Variants in DYM observed in about 807,000 individuals in gnomAD.
DYM encodes the protein dyggve-Melchior-Clausen syndrome protein.
In DYM, 78 loss-of-function variants were observed where a neutral mutation model predicts 93.1. The ratio of observed to expected loss-of-function variants is 0.84; its 90% CI spans 0.70 to 1.01. DYM has a LOEUF of 1.01. DYM is among the 50% of genes least tolerant of loss of function. The pLI is 0.00. For missense variants in DYM, 789 were observed against 845.0 expected (o/e 0.93, Z 0.82); for synonymous variants, 321 against 319.7 (o/e 1.00, Z -0.04).
intron 6 of DYM, 73 bp downstream of exon 6, chr18:49,363,088 T>C: frequency 1.6e-6 from 2 of 1,272,654 alleles, no homozygotes; most frequent in African/African-American, 1.5e-5. Context: ...ACCCACAAAC[T>C]TCTCAACATG....
rs186372168 is a variant in DYM, at chr18:49,434,562, G to T, written c.-53-4115C>A. Among the ~76,000 whole-genome samples, 66 of 152,234 alleles carry T rather than the reference G, an allele frequency of 4.3e-4. 1 individual carries two copies. In the East Asian group the frequency reaches 0.011, roughly 25 times the overall value. On this transcript the variant is annotated intron_variant, in intron 1 of 17. Coordinates refer to ENST00000675505, the MANE Select transcript of DYM (RefSeq NM_001353214.3). The stretch of plus-strand genomic sequence containing the variant: ...AAAGAAAAAGAAAGTGGCCACCCCT[G>T]TGGAAAAGGACTCTGGAGTGGGGAG...
intron 14 of DYM, among the ~76,000 whole-genome samples, chr18:49,189,520 C>T (rs1690254690): frequency 6.6e-6 from 1 of 152,050 alleles, no homozygotes; most frequent in African/African-American, 2.4e-5. Context: ...CAAACAATGA[C>T]CCAAGCCCAG....
At position 49,118,742 on chromosome 18, in the gene DYM, A is replaced by G. The variant is rs1316990533; in HGVS notation, c.1911+2T>C. ...ATAATAAATGTCTTCATTTACACTC[A>G]CCAGATCAATATTTTGCATTATATC... On this transcript the variant is annotated splice_donor_variant, in intron 16 of 17. Transcript: ENST00000675505. LOFTEE classifies it high-confidence loss of function. The G allele has an allele frequency of 4.3e-6, 7 of 1,612,244 alleles. No homozygotes were observed. Among genetic ancestry groups the G allele is most frequent in the Non-Finnish European group, 5.1e-6 (6 of 1,178,424 alleles).
At chr18:49,201,326 T>C (rs976764374) in intron 14 of DYM, among the ~76,000 whole-genome samples, 1 of 152,192 alleles carries the variant, frequency 6.6e-6, no homozygotes, top group Non-Finnish European at 1.5e-5. Context: ...CCTTTTTTTT[T>C]CAAAGTTCAC....
intron 17 of DYM, among the ~76,000 whole-genome samples, chr18:49,088,911 C>A (rs543003855): frequency 6.6e-6 from 1 of 152,122 alleles, no homozygotes; most frequent in East Asian, 1.9e-4. Flanking sequence ...CCTGCCTTAG[C>A]CCCCTGAATA....
intron 13 of DYM, among the ~76,000 whole-genome samples, chr18:49,219,468 G>C (rs1474823473): frequency 1.3e-5 from 2 of 151,978 alleles, no homozygotes; most frequent in Admixed American, 6.5e-5. Flanking sequence ...GAGAATTTTA[G>C]ACCAATATCC....
At chr18:49,309,462 C>T (rs535168392) in intron 8 of DYM, among the ~76,000 whole-genome samples, 4 of 152,152 alleles carry the variant, frequency 2.6e-5, no homozygotes, top group African/African-American at 7.2e-5. Context: ...CAGCAAGATG[C>T]AGTCTCTATA....
At chr18:49,339,939 TTTTGTTTG>T (rs546293424) in intron 6 of DYM, among the ~76,000 whole-genome samples, 19 of 151,854 alleles carry the variant, frequency 1.3e-4, no homozygotes, top group South Asian at 1.3e-3. Flanking sequence ...TTTTGGGGTT[TTTTGTTTG>T]TTTGTTTGTT....
intron 14 of DYM, among the ~76,000 whole-genome samples, chr18:49,196,863 G>A (rs6507889): frequency 0.038 from 5,840 of 152,254 alleles, 352 homozygotes; most frequent in African/African-American, 0.13. Context: ...TGAGGAAAAG[G>A]ACTAGGTAGG....
chr18:49,241,318 T>C (rs2094002524), intron 13 of DYM, among the ~76,000 whole-genome samples: 1 of 152,204 alleles, frequency 6.6e-6, no homozygotes, highest in South Asian at 2.1e-4. Context: ...ATTTCTACGC[T>C]AGGGTCAAAC....
chr18:49,322,227 G>A (rs1467791540), intron 8 of DYM, among the ~76,000 whole-genome samples: 2 of 151,966 alleles, frequency 1.3e-5, no homozygotes, highest in African/African-American at 2.4e-5. Flanking sequence ...AAATTTTTTT[G>A]GATGGCTCAT....
chr18:49,051,562 C>A (rs2072446785), intron 17 of DYM, among the ~76,000 whole-genome samples: 1 of 152,236 alleles, frequency 6.6e-6, no homozygotes, highest in Non-Finnish European at 1.5e-5. Context: ...GGTTCAGCTG[C>A]AACCCTGAAG....
intron 8 of DYM, among the ~76,000 whole-genome samples, chr18:49,321,972 C>T (rs2062518067): frequency 6.6e-6 from 1 of 151,806 alleles, no homozygotes; most frequent in African/African-American, 2.4e-5. Context: ...AATGAGTCAC[C>T]CTAGAAAAAG....
chr18:49,418,218 C>T (rs780851552), intron 2 of DYM, among the ~76,000 whole-genome samples: 1 of 152,082 alleles, frequency 6.6e-6, no homozygotes, highest in East Asian at 1.9e-4. Flanking sequence ...GCATGACACA[C>T]GATTATGTTC....
rs1196644541 is a variant in DYM, at chr18:49,209,592, CAA to C, written c.1582_1583del (p.Leu528ValfsTer21). The C allele has an allele frequency of 3.9e-6, 5 of 1,289,712 alleles. No homozygotes were observed. The highest frequency in any genetic ancestry group is 1.5e-5 in the African/African-American group (1 of 65,970). The allele number at this position is 1,289,712 out of a possible 1,614,324, so 79.9% of individuals were successfully genotyped here. A position where few individuals can be genotyped will look rare whatever the true frequency, so the allele number is the denominator to read the frequency against. ...TGAGAATGTGAGAGCAAGTTAAAGA[CAA>C]GAGTTCCTCTCCATTGTCACTGAGG... ...STLSDNGEEL[L>X]SLTCSHILRS... On this transcript the variant is annotated frameshift_variant, in exon 14 of 18. Transcript: ENST00000675505. LOFTEE classifies it high-confidence loss of function.
intron 13 of DYM, among the ~76,000 whole-genome samples, chr18:49,219,992 T>C (rs2093280064): frequency 6.6e-6 from 1 of 151,218 alleles, no homozygotes; most frequent in East Asian, 2.0e-4. Context: ...CATGATTGTA[T>C]ATCTAGAAAA....
intron 6 of DYM, among the ~76,000 whole-genome samples, chr18:49,338,799 T>C (rs1291397897): frequency 1.3e-5 from 2 of 152,088 alleles, no homozygotes; most frequent in Non-Finnish European, 2.9e-5. Context: ...CTAAAGTTGA[T>C]AGAAGGAAGA....
At chr18:49,244,587 T>C (rs1193600615) in intron 13 of DYM, among the ~76,000 whole-genome samples, 1 of 152,150 alleles carries the variant, frequency 6.6e-6, no homozygotes, top group Non-Finnish European at 1.5e-5. Flanking sequence ...ACAAGCTACT[T>C]CTCTGACATT....
intron 17 of DYM, among the ~76,000 whole-genome samples, chr18:49,059,608 GC>G (rs777127367): frequency 6.6e-6 from 1 of 152,170 alleles, no homozygotes; most frequent in Non-Finnish European, 1.5e-5. Context: ...CAGGCCTGTA[GC>G]AAGGGGCTCA....
Sources: allele counts gnomAD v4.1 joint callset (sites outside exome capture counted in the v4.1 genomes callset), GRCh38; gene constraint gnomAD v4.1.1; transcripts MANE v1.5; gene names NCBI Gene and HGNC (gene_info 2026-07-23, HGNC 2026-07-21).